Variants in SRD5A1 observed in about 807,000 individuals in gnomAD.
SRD5A1 encodes 3-oxo-5-alpha-steroid 4-dehydrogenase 1.
A neutral mutation model predicts 28.2 loss-of-function variants in SRD5A1; 22 were observed. The observed-to-expected ratio is 0.78, with a 90% CI of 0.56 to 1.12. The LOEUF is 1.12. Among genes scored for constraint, SRD5A1 ranks in the 50% most tolerant of loss-of-function variants. The probability of loss-of-function intolerance (pLI) is 0.00; values close to 1 mark genes in which losing one functional copy is unlikely to be tolerated. For missense variants in SRD5A1, 300 were observed against 346.7 expected, an observed-to-expected ratio of 0.87 and a Z score of 1.07; for synonymous variants, 151 against 135.0, an observed-to-expected ratio of 1.12 and a Z score of -0.82.
At position 6,669,292 on chromosome 5, in the gene SRD5A1, A is replaced by G. The variant is rs1314408308; in HGVS notation, c.*1024A>G. On this transcript the variant is annotated 3_prime_UTR_variant, in exon 5 of 5. Coordinates refer to ENST00000274192, the MANE Select transcript of SRD5A1 (RefSeq NM_001047.4). ...CAGCCTTCTTTTTCTTCCATAGCTA[A>G]TCTTCCTTCTAATAGTTTTTGCTTT... The G allele has an allele frequency of 1.3e-5, 2 of 152,100 alleles. No homozygotes were observed. Among genetic ancestry groups the G allele is most frequent in the African/African-American group, 4.8e-5 (2 of 41,416 alleles). 9.4% of individuals were successfully genotyped at this position (152,100 alleles called of 1,614,324 possible). A position where few individuals can be genotyped will look rare whatever the true frequency, so the allele number is the denominator to read the frequency against.
intron 3 of SRD5A1, among the ~76,000 whole-genome samples, chr5:6,657,647 CCA>C (rs1255168770): frequency 6.6e-6 from 1 of 152,208 alleles, no homozygotes; most frequent in Non-Finnish European, 1.5e-5. Flanking sequence ...ATACCAGAAG[CCA>C]CAGACTGGCA....
intron 4 of SRD5A1, 65 bp downstream of exon 4, chr5:6,663,031 G>A: frequency 6.3e-7 from 1 of 1,576,528 alleles, no homozygotes; most frequent in East Asian, 2.3e-5. Flanking sequence ...CCATTTTTCA[G>A]GCTAGATTTT....
At chr5:6,641,303 A>G (rs546239449) in intron 1 of SRD5A1, among the ~76,000 whole-genome samples, 1 of 152,318 alleles carries the variant, frequency 6.6e-6, no homozygotes, top group South Asian at 2.1e-4. Flanking sequence ...GCGAGTTCCA[A>G]ATTGGCCACA....
At chr5:6,649,730 C>A (rs1409200746) in intron 1 of SRD5A1, among the ~76,000 whole-genome samples, 3 of 152,222 alleles carry the variant, frequency 2.0e-5, no homozygotes, top group Admixed American at 2.0e-4. Flanking sequence ...GGCGATGCCC[C>A]ACCCTGCTTC....
At chr5:6,667,381 A>G (rs1455322753) in intron 4 of SRD5A1, among the ~76,000 whole-genome samples, 2 of 152,234 alleles carry the variant, frequency 1.3e-5, no homozygotes, top group Non-Finnish European at 2.9e-5. Context: ...AAACTTAACT[A>G]AGACCAGCAG....
chr5:6,654,395 T>C (rs1262229795), intron 2 of SRD5A1, among the ~76,000 whole-genome samples: 3 of 151,814 alleles, frequency 2.0e-5, no homozygotes, highest in African/African-American at 7.3e-5. Flanking sequence ...GCAAAAGTGG[T>C]TAATCTAAAA....
chr5:6,659,825 G>A (rs762118921), intron 3 of SRD5A1, among the ~76,000 whole-genome samples: 1 of 152,192 alleles, frequency 6.6e-6, no homozygotes, highest in Admixed American at 6.5e-5. Flanking sequence ...TGAAGACTCA[G>A]GTGTAGGGAG....
At chr5:6,644,529 T>C (rs1034014026) in intron 1 of SRD5A1, among the ~76,000 whole-genome samples, 6 of 152,154 alleles carry the variant, frequency 3.9e-5, no homozygotes, top group Admixed American at 3.3e-4. Context: ...CTTTGCCGCA[T>C]TGAGAATCTC....
chr5:6,649,468 C>G (rs1477175932), intron 1 of SRD5A1, among the ~76,000 whole-genome samples: 1 of 152,332 alleles, frequency 6.6e-6, no homozygotes, highest in East Asian at 1.9e-4. Context: ...CCACCAAGCT[C>G]TAGCATCCCA....
At chr5:6,664,370 A>G (rs999937819) in intron 4 of SRD5A1, among the ~76,000 whole-genome samples, 1 of 152,178 alleles carries the variant, frequency 6.6e-6, no homozygotes, top group Non-Finnish European at 1.5e-5. Flanking sequence ...ATTATTGGAG[A>G]TAAGAAGAAG....
At chr5:6,666,794 C>T (rs1739197396) in intron 4 of SRD5A1, among the ~76,000 whole-genome samples, 1 of 152,190 alleles carries the variant, frequency 6.6e-6, no homozygotes, top group South Asian at 2.1e-4. Flanking sequence ...GCTGCCCAGC[C>T]TGGTGGGGGG....
At chr5:6,659,875 C>T (rs182316960) in intron 3 of SRD5A1, among the ~76,000 whole-genome samples, 121 of 152,248 alleles carry the variant, frequency 7.9e-4, no homozygotes, top group African/African-American at 2.8e-3. Context: ...CCATGGTCGG[C>T]TTTGTGACCA....
intron 3 of SRD5A1, among the ~76,000 whole-genome samples, chr5:6,658,581 G>A (rs1579411023): frequency 6.6e-6 from 1 of 152,188 alleles, no homozygotes; most frequent in Non-Finnish European, 1.5e-5. Context: ...AAGCTTGGCT[G>A]TAACTCTCAG....
intron 1 of SRD5A1, chr5:6,644,966 A>T (rs1738466435): frequency 2.2e-6 from 1 of 455,884 alleles, no homozygotes; most frequent in African/African-American, 2.0e-5. Context: ...TGCAGCTTCC[A>T]GGAGAATACC....
intron 1 of SRD5A1, among the ~76,000 whole-genome samples, chr5:6,643,206 G>A (rs1738414460): frequency 6.6e-6 from 1 of 152,028 alleles, no homozygotes; most frequent in Admixed American, 6.6e-5. Context: ...CTTCAGCCTT[G>A]ATGTGAACTC....
At position 6,672,309 on chromosome 5, in the gene SRD5A1, T is replaced by A. The variant is rs1739384496; in HGVS notation, c.*4041T>A. ...GTTTTGTTTTGAGACGGAGTCTTGC[T>A]CTGTCACCCAGGCTGGAGTGCAATG... On this transcript the variant is annotated 3_prime_UTR_variant, in exon 5 of 5. Coordinates refer to ENST00000274192, the MANE Select transcript of SRD5A1 (RefSeq NM_001047.4). 6.6e-6 allele frequency: 1 copy of A among 152,600 alleles called. No homozygotes were observed. The highest frequency in any genetic ancestry group is 1.9e-4 in the East Asian group (1 of 5,196). The allele number at this position is 152,600 out of a possible 1,614,324, so 9.5% of individuals were successfully genotyped here. A position where few individuals can be genotyped will look rare whatever the true frequency, so the allele number is the denominator to read the frequency against.
intron 4 of SRD5A1, among the ~76,000 whole-genome samples, chr5:6,665,964 A>C (rs1344028083): frequency 1.3e-5 from 2 of 152,242 alleles, no homozygotes; most frequent in African/African-American, 2.4e-5. Context: ...AACCAGTTTT[A>C]AGCCCTGAAG....
intron 4 of SRD5A1, among the ~76,000 whole-genome samples, chr5:6,663,689 G>A (rs542990199): frequency 3.9e-4 from 59 of 152,138 alleles, no homozygotes; most frequent in African/African-American, 1.2e-3. Flanking sequence ...GTGAAATCCC[G>A]TCTCTACTAA....
At chr5:6,666,803 G>A (rs146168337) in intron 4 of SRD5A1, among the ~76,000 whole-genome samples, 2,054 of 152,260 alleles carry the variant, frequency 0.013, 23 homozygotes, top group South Asian at 0.025. Context: ...CCTGGTGGGG[G>A]GGCGCGTTTT....
Sources: gnomAD v4.1 joint callset for allele counts (sites outside exome capture counted in the v4.1 genomes callset) on GRCh38, gnomAD v4.1.1 for gene constraint, MANE v1.5 for transcripts, NCBI Gene and HGNC (gene_info 2026-07-23, HGNC 2026-07-21) for gene names.